The following SH3TC2 variants were observed in gnomAD, a reference collection of about 807,000 sequenced individuals.
SH3TC2 encodes the protein SH3 domain and tetratricopeptide repeat-containing protein 2.
In SH3TC2, 87 loss-of-function variants were observed where a neutral mutation model predicts 124.5. The ratio of observed to expected loss-of-function variants is 0.70; its 90% confidence interval spans 0.59 to 0.84. The LOEUF is 0.84. Among genes scored for constraint, SH3TC2 ranks in the 40% least tolerant of loss-of-function variants. The pLI is 0.00. For synonymous variants in SH3TC2, 634 were observed against 628.5 expected (o/e 1.01, Z -0.13); for missense variants, 1,536 against 1,566.4 (o/e 0.98, Z 0.33).
rs945999799 is a variant in SH3TC2, at chr5:148,996,416, A to G, written c.*8295T>C. On this transcript the variant is annotated 3_prime_UTR_variant, in exon 17 of 17. Transcript: ENST00000515425. ...AAACAACCGGAAATGAAAATCCTCC[A>G]AGTAATCTTTCTGTTTGCTATCCTT... 6.6e-6 allele frequency among the ~76,000 whole-genome samples: 1 copy of G among 152,240 alleles called. No individual in the cohort carries two copies. Among genetic ancestry groups the G allele is most frequent in the Non-Finnish European group, 1.5e-5 (1 of 68,038 alleles).
intron 1 of SH3TC2, among the ~76,000 whole-genome samples, chr5:149,053,199 T>C (rs1171619660): frequency 6.6e-6 from 1 of 152,198 alleles, no homozygotes; most frequent in African/African-American, 2.4e-5. Flanking sequence ...TTTTGCATAC[T>C]GGATCTGTGC....
At chr5:149,021,880 C>CTTT (rs1355616473) in intron 12 of SH3TC2, among the ~76,000 whole-genome samples, 1 of 27,184 alleles carries the variant, frequency 3.7e-5, no homozygotes, top group African/African-American at 2.2e-4. Flanking sequence ...TTCACAAACT[C>CTTT]TTTCTTTTTT....
chr5:149,056,687 C>A (rs1273060703), intron 1 of SH3TC2, among the ~76,000 whole-genome samples: 1 of 152,138 alleles, frequency 6.6e-6, no homozygotes, highest in East Asian at 1.9e-4. Flanking sequence ...GCCAGAAGGG[C>A]ACCTCTCTGA....
chr5:149,044,427 T>C, intron 4 of SH3TC2, 106 bp downstream of exon 4: 2 of 846,878 alleles, frequency 2.4e-6, no homozygotes, highest in Non-Finnish European at 2.0e-6. Context: ...TTTAAGGCTC[T>C]ATTTCTCTTA....
chr5:149,031,828 C>A (rs1385441253), intron 8 of SH3TC2, 141 bp from the exon 9 acceptor site: 2 of 1,081,312 alleles, frequency 1.8e-6, no homozygotes, highest in African/African-American at 1.6e-5. Context: ...GATTCCTCAT[C>A]TCACCATTGC....
intron 1 of SH3TC2, among the ~76,000 whole-genome samples, chr5:149,061,748 T>C (rs1754753229): frequency 6.6e-6 from 1 of 152,110 alleles, no homozygotes; most frequent in Admixed American, 6.6e-5. Flanking sequence ...CTCCGACCAG[T>C]GGTCCTGCAC....
In SH3TC2 at chr5:148,995,364, T is replaced by C. The variant is rs890138644; in HGVS notation, c.*9347A>G. ...CTTCTTTGGAGGATCATTTGGAGGA[T>C]CAAATCCTATACTGTGGGTAAATTA... On this transcript the variant is annotated 3_prime_UTR_variant, in exon 17 of 17. Transcript: ENST00000515425. Among the ~76,000 whole-genome samples the C allele has an allele frequency of 1.3e-5, 2 of 152,172 alleles. No homozygotes were observed. Among genetic ancestry groups the C allele is most frequent in the African/African-American group, 4.8e-5 (2 of 41,456 alleles).
intron 9 of SH3TC2, among the ~76,000 whole-genome samples, chr5:149,029,290 G>A (rs1754141012): frequency 6.6e-6 from 1 of 152,326 alleles, no homozygotes; most frequent in African/African-American, 2.4e-5. Context: ...AGGGGCGAGG[G>A]GCCAGAAGTG....
chr5:149,005,699 T>G (rs1282285750), intron 16 of SH3TC2, among the ~76,000 whole-genome samples: 1 of 152,178 alleles, frequency 6.6e-6, no homozygotes, highest in African/African-American at 2.4e-5. Flanking sequence ...AAAGGCTGCC[T>G]GGTTTCCATT....
At chr5:149,050,336 T>C (rs966059918) in intron 2 of SH3TC2, among the ~76,000 whole-genome samples, 1 of 152,206 alleles carries the variant, frequency 6.6e-6, no homozygotes, top group Non-Finnish European at 1.5e-5. Flanking sequence ...TGTGATAATA[T>C]GTCTGACTGA....
intron 1 of SH3TC2, among the ~76,000 whole-genome samples, chr5:149,062,097 C>T (rs1754761364): frequency 6.6e-6 from 1 of 152,064 alleles, no homozygotes; most frequent in African/African-American, 2.4e-5. Context: ...CTCCTTAGCT[C>T]CTTCTCTCAG....
intron 2 of SH3TC2, among the ~76,000 whole-genome samples, chr5:149,049,527 G>A (rs944513074): frequency 6.6e-6 from 1 of 152,202 alleles, no homozygotes; most frequent in African/African-American, 2.4e-5. Flanking sequence ...AGCGGTTTGG[G>A]AGGTCAAGGG....
In SH3TC2 at chr5:148,992,599, GGTTT is replaced by G. The variant is rs1301977676; in HGVS notation, c.*12108_*12111del. 3.0e-3 allele frequency among the ~76,000 whole-genome samples: 194 copies of G among 64,752 alleles called. 1 individual carries two copies. The highest frequency in any genetic ancestry group is 9.5e-3 in the African/African-American group (175 of 18,482). 42.5% of individuals were successfully genotyped at this position (64,752 alleles called of 152,430 possible). A position where few individuals can be genotyped will look rare whatever the true frequency, so the allele number is the denominator to read the frequency against. On this transcript the variant is annotated 3_prime_UTR_variant, in exon 17 of 17. Transcript: ENST00000515425. ...CATAATTCCAAGAAGAGATTTCATT[GGTTT>G]TTTTTTTTTTTTTTTTTTTCAGATT...
chr5:149,026,449 T>C, intron 12 of SH3TC2, 123 bp downstream of exon 12: 1 of 1,187,822 alleles, frequency 8.4e-7, no homozygotes, highest in Non-Finnish European at 1.2e-6. Context: ...GCAGAGCCCT[T>C]GCTCTTTTGC....
At position 149,028,565 on chromosome 5, in the gene SH3TC2, A is replaced by G. The variant is rs768893046; in HGVS notation, c.1178-11T>C. 1.2e-6 allele frequency: 2 copies of G among 1,614,134 alleles called. No individual in the cohort carries two copies. The highest frequency in any genetic ancestry group is 1.7e-6 in the Non-Finnish European group (2 of 1,180,020). ...CTTCAGGCTGGGATGCTGTAAGGAC[A>G]GGCAAAGTTGAGCAACCTTGGGCAC... On this transcript the variant is annotated splice_polypyrimidine_tract_variant and intron_variant, in intron 10 of 16. Transcript: ENST00000515425.
At chr5:149,010,212 G>T in intron 14 of SH3TC2, 58 bp downstream of exon 14, 1 of 1,613,222 alleles carries the variant, frequency 6.2e-7, no homozygotes, top group Non-Finnish European at 8.5e-7. Context: ...AGTCCAGCCT[G>T]ACCCTTCCCA....
In SH3TC2 at chr5:149,028,201, G is replaced by A. The variant is rs1437440770; in HGVS notation, c.1531C>T (p.Leu511=). Residue 511 remains leucine, a synonymous_variant, in exon 11 of 17, where the codon CTG becomes TTG. Coordinates refer to ENST00000515425, the MANE Select transcript of SH3TC2 (RefSeq NM_024577.4). ...FSEEDEFVAY[L]EASRKWAKKS... is the part of the protein sequence containing the mutation. The stretch of plus-strand genomic sequence containing the variant: ...TTGGCCCACTTTCTTGATGCCTCCA[G>A]GTAGGCCACAAACTCATCCTCCTCA... 1.9e-6 allele frequency: 3 copies of A among 1,613,926 alleles called. No homozygotes were observed. The highest frequency in any genetic ancestry group is 1.7e-5 in the Admixed American group (1 of 60,008).
At chr5:149,031,175 C>T (rs1366841191) in intron 9 of SH3TC2, among the ~76,000 whole-genome samples, 1 of 152,114 alleles carries the variant, frequency 6.6e-6, no homozygotes, top group African/African-American at 2.4e-5. Context: ...CTCTTAAGGC[C>T]TTTTCACAGC....
chr5:149,043,265 G>A (rs144285590), intron 4 of SH3TC2, among the ~76,000 whole-genome samples: 76 of 152,176 alleles, frequency 5.0e-4, no homozygotes, highest in Non-Finnish European at 9.4e-4. Context: ...GGTTCTACAT[G>A]GCTCCCCCTC....
Sources: allele counts gnomAD v4.1 joint callset (sites outside exome capture counted in the v4.1 genomes callset), GRCh38; gene constraint gnomAD v4.1.1; transcripts MANE v1.5; gene names NCBI Gene and HGNC (gene_info 2026-07-23, HGNC 2026-07-21).